TMC2: variants seen among roughly 807,000 people sequenced by gnomAD.
TMC2 encodes transmembrane channel-like protein 2.
In TMC2, 102 loss-of-function variants were observed where a neutral mutation model predicts 105.9. The ratio of observed to expected loss-of-function variants is 0.96; its 90% CI spans 0.82 to 1.14. TMC2 has a LOEUF of 1.14. Ranked by LOEUF, TMC2 falls within the 50% of genes most tolerant of loss-of-function variation. TMC2 has a pLI of 0.00. For missense variants in TMC2, 1,093 were observed against 1,134.3 expected, an observed-to-expected ratio of 0.96 and a Z score of 0.52; for synonymous variants, 402 against 422.8, an observed-to-expected ratio of 0.95 and a Z score of 0.60.
rs1482142234 is a variant in TMC2, at chr20:2,610,589, C to T, written c.1584C>T (p.Val528=). The T allele has an allele frequency of 6.3e-7, 1 of 1,591,174 alleles. No individual in the cohort carries two copies. The change falls in exon 12 of 20, where the codon GTC becomes GTT. Residue 528 remains valine (V), a synonymous_variant. Transcript: ENST00000358864. ...TTCTCTTGGCCCTGATGGATGACGT[C>T]CACCTCAAGGTAAAAACCACAACAC... The part of the protein sequence containing the change: ...YTFLLALMDD[V]HLKLANEETI...
At chr20:2,607,701 T>C (rs1005377868) in intron 11 of TMC2, among the ~76,000 whole-genome samples, 3 of 152,264 alleles carry the variant, frequency 2.0e-5, no homozygotes, top group African/African-American at 4.8e-5. Flanking sequence ...TGTTGGTAAT[T>C]TGTATTGTAT....
In TMC2 at chr20:2,616,129, C is replaced by A. The variant is rs566597896; in HGVS notation, c.1873-8C>A. On this transcript the variant is annotated splice_polypyrimidine_tract_variant and splice_region_variant and intron_variant, in intron 14 of 19. Transcript: ENST00000358864. This position sits in a 1 kb window ranked among gnomAD's most constrained non-coding sequence, Gnocchi z 4.8. ...TCTCTCTCTCTCGCTCCCTCCCTCCCTCTCTAGCCTTCATATGCTGAGTTT... is the reference window on the plus strand; with the variant it reads ...TCTCTCTCTCTCGCTCCCTCCCTCCATCTCTAGCCTTCATATGCTGAGTTT... 253 of 1,611,458 alleles carry A rather than the reference C, an allele frequency of 1.6e-4. 5 individuals are homozygous for A. The South Asian group carries it at 2.6e-3, about 17-fold the overall frequency.
At chr20:2,600,986 G>GAAAAAAAAAAAAAAA in intron 10 of TMC2, among the ~76,000 whole-genome samples, 1 of 90,560 alleles carries the variant, frequency 1.1e-5, no homozygotes. Context: ...GACTGTCTCA[G>GAAAAAAAAAAAAAAA]AAAAAAAAAA....
intron 2 of TMC2, among the ~76,000 whole-genome samples, chr20:2,542,745 G>C (rs549422514): frequency 6.7e-6 from 1 of 149,098 alleles, no homozygotes; most frequent in South Asian, 2.1e-4. Context: ...CCAGGCTGGA[G>C]TCAGTGGCAC....
At chr20:2,625,220 T>A (rs565377587) in intron 17 of TMC2, among the ~76,000 whole-genome samples, 3 of 152,358 alleles carry the variant, frequency 2.0e-5, no homozygotes, top group East Asian at 1.9e-4. Context: ...CATGCTTTTT[T>A]AAAAATTATG....
intron 14 of TMC2, among the ~76,000 whole-genome samples, chr20:2,614,184 TAGAA>T (rs1298157635): frequency 6.6e-6 from 1 of 152,226 alleles, no homozygotes; most frequent in Non-Finnish European, 1.5e-5. Context: ...ACATCTTTGA[TAGAA>T]AGACACAATA....
intron 4 of TMC2, among the ~76,000 whole-genome samples, chr20:2,567,617 C>T (rs1351064588): frequency 2.6e-5 from 4 of 151,914 alleles, no homozygotes; most frequent in Non-Finnish European, 5.9e-5. Flanking sequence ...AGGCTGGTCT[C>T]GAACTCTTGG....
chr20:2,632,424 G>A (rs1352509892), intron 17 of TMC2, among the ~76,000 whole-genome samples: 2 of 151,812 alleles, frequency 1.3e-5, no homozygotes, highest in Non-Finnish European at 2.9e-5. Flanking sequence ...ATCGTTCTTT[G>A]ATCATATTCT....
At chr20:2,620,028 A>G (rs2086513634) in intron 16 of TMC2, among the ~76,000 whole-genome samples, 2 of 152,080 alleles carry the variant, frequency 1.3e-5, no homozygotes, top group South Asian at 4.2e-4. Context: ...GCAATAAGCC[A>G]TGATTGCACC....
intron 10 of TMC2, among the ~76,000 whole-genome samples, chr20:2,600,230 T>C (rs997785357): frequency 3.3e-5 from 5 of 152,310 alleles, no homozygotes; most frequent in Middle Eastern, 3.4e-3. Flanking sequence ...ATAATATACT[T>C]GTATAACAGA....
At position 2,558,746 on chromosome 20, in the gene TMC2, G is replaced by T; in HGVS notation, c.373G>T (p.Glu125Ter). ...KREKEIPRRE[E>*]KSKRQKKPRS... Reference sequence around the variant, plus strand: ...GGAAAAGGAGATTCCGAGGAGGGAGGAGAAGTCGAAGCGGCAGAAGAAACC... The same window carrying T: ...GGAAAAGGAGATTCCGAGGAGGGAGTAGAAGTCGAAGCGGCAGAAGAAACC... Residue 125 changes from glutamate (E) to a stop codon, truncating the protein, a stop_gained, in exon 3 of 20, where the codon GAG becomes TAG. Coordinates refer to ENST00000358864, the MANE Select transcript of TMC2 (RefSeq NM_080751.3). LOFTEE classifies it high-confidence loss of function. The surrounding 1 kb of genome is among the most constrained non-coding windows in gnomAD (Gnocchi z 4.6). The T allele has an allele frequency of 6.4e-7, 1 of 1,564,110 alleles. No individual in the cohort carries two copies. The highest frequency in any genetic ancestry group is 2.3e-5 in the East Asian group (1 of 44,378).
At chr20:2,582,552 T>C (rs2086201236) in intron 7 of TMC2, among the ~76,000 whole-genome samples, 1 of 152,144 alleles carries the variant, frequency 6.6e-6, no homozygotes, top group African/African-American at 2.4e-5. Context: ...CTTGGCTCGC[T>C]GCAGCCTCCA....
intron 14 of TMC2, among the ~76,000 whole-genome samples, chr20:2,615,246 A>G (rs936881653): frequency 6.6e-6 from 1 of 152,184 alleles, no homozygotes; most frequent in African/African-American, 2.4e-5. Context: ...CACTTGAACC[A>G]GGAGGCAGAG....
intron 2 of TMC2, among the ~76,000 whole-genome samples, chr20:2,545,735 AGAT>A (rs924173620): frequency 1.3e-4 from 19 of 151,866 alleles, no homozygotes; most frequent in African/African-American, 4.1e-4. Context: ...AGGAAGAAGA[AGAT>A]GAAGATGAAG....
chr20:2,570,504 A>G (rs886106953), intron 4 of TMC2, among the ~76,000 whole-genome samples: 1 of 152,106 alleles, frequency 6.6e-6, no homozygotes, highest in Non-Finnish European at 1.5e-5. Context: ...TAAAGAAATC[A>G]TAGGTAATAC....
Position 2,563,786 on chromosome 20 carries a change from C to G in TMC2, c.554+1776C>G, listed in dbSNP as rs998345743. On this transcript the variant is annotated intron_variant, in intron 4 of 19. Transcript: ENST00000358864. ...TCTGTCACCCACGCTGGAGTCCAGT[C>G]CACCATTTTAACTCACTGTGGCCTT... 2.6e-5 allele frequency among the ~76,000 whole-genome samples: 4 copies of G among 152,288 alleles called. No individual in the cohort carries two copies. In the East Asian group the frequency reaches 7.7e-4, roughly 29 times the overall value.
At chr20:2,615,833 G>T (rs1216441803) in intron 14 of TMC2, among the ~76,000 whole-genome samples, 2 of 152,196 alleles carry the variant, frequency 1.3e-5, no homozygotes, top group African/African-American at 4.8e-5. Context: ...AGAGGCGAGG[G>T]TCTTCCCAAG....
rs184146165 is a variant in TMC2 at position 2,588,024 on chromosome 20, T to C, written c.835-4286T>C. 6.4e-3 allele frequency among the ~76,000 whole-genome samples: 905 copies of C among 141,634 alleles called. 12 individuals carry two copies. Among genetic ancestry groups the C allele is most frequent in the African/African-American group, 0.022 (869 of 39,470 alleles). 92.9% of individuals were successfully genotyped at this position (141,634 alleles called of 152,430 possible). On this transcript the variant is annotated intron_variant, in intron 7 of 19. Transcript: ENST00000358864. ...CAATCTTGTATAATCCCCCCCCCCT[T>C]TGAGTATGGACAGAACCTAGGAATG...
In TMC2 at chr20:2,613,302, T is replaced by C. The variant is rs1414367179; in HGVS notation, c.1852T>C (p.Trp618Arg). The C allele has an allele frequency of 3.1e-6, 5 of 1,614,016 alleles. No homozygotes were observed. The highest frequency in any genetic ancestry group is 1.6e-4 in the Middle Eastern group (1 of 6,084). ...FVRFMNYCWC[W>R]DLEAGFPSYA... ...GCGGTTCATGAACTACTGCTGGTGC[T>C]GGGACTTGGAGGCTGGATTTGTAGG... The change falls in exon 14 of 20, where the codon TGG becomes CGG. Residue 618 changes from tryptophan (W) to arginine (R), a missense_variant. Coordinates refer to ENST00000358864, the MANE Select transcript of TMC2 (RefSeq NM_080751.3).
Sources: gnomAD v4.1 joint callset for allele counts (sites outside exome capture counted in the v4.1 genomes callset) on GRCh38, gnomAD v4.1.1 for gene constraint, Gnocchi (gnomAD v3.1) non-coding constraint, MANE v1.5 for transcripts, NCBI Gene and HGNC (gene_info 2026-07-23, HGNC 2026-07-21) for gene names.